Variants in AKAP19 observed in about 807,000 individuals in gnomAD.
AKAP19 encodes A-kinase anchoring protein 19.
chr2:189,914,338 A>G, the AKAP19 span, among the ~76,000 whole-genome samples: 1 of 152,124 alleles, frequency 6.6e-6, no homozygotes, highest in Admixed American at 6.5e-5. Flanking sequence ...AGACAAATTC[A>G]TGTTCTTAAC....
the AKAP19 span, chr2:190,199,841 C>CACAAACAGCTCTTCATAACA: frequency 1.9e-6 from 3 of 1,608,174 alleles, no homozygotes; most frequent in South Asian, 1.1e-5. Context: ...CTGCTTCCTC[C>CACAAACAGCTCTTCATAACA]ACAAACAGCT....
At chr2:190,076,874 C>G in the AKAP19 span, among the ~76,000 whole-genome samples, 1 of 152,174 alleles carries the variant, frequency 6.6e-6, no homozygotes, top group Non-Finnish European at 1.5e-5. Context: ...CTCCCCTCAT[C>G]ATTTTCTGGG....
the AKAP19 span, among the ~76,000 whole-genome samples, chr2:190,084,349 T>C: frequency 1.3e-5 from 2 of 152,144 alleles, no homozygotes; most frequent in South Asian, 2.1e-4. Context: ...CACCTCAGCC[T>C]CCCAAAGTGC....
the AKAP19 span, among the ~76,000 whole-genome samples, chr2:190,023,796 TATA>T: frequency 1.6e-4 from 1 of 6,222 alleles, no homozygotes; most frequent in Non-Finnish European, 9.2e-4. Context: ...TGTGTGTGTG[TATA>T]TATATATATA....
the AKAP19 span, chr2:190,060,271 T>C: frequency 3.5e-5 from 57 of 1,613,184 alleles, no homozygotes; most frequent in Admixed American, 5.5e-4. Flanking sequence ...CCGTCTTTCA[T>C]AGGTTTGATG....
the AKAP19 span, among the ~76,000 whole-genome samples, chr2:189,990,704 A>G: frequency 6.6e-6 from 1 of 152,092 alleles, no homozygotes; most frequent in African/African-American, 2.4e-5. Flanking sequence ...TATTCTTTTT[A>G]AAAATTATTT....
At chr2:189,930,364 T>C in the AKAP19 span, 3 of 449,770 alleles carry the variant, frequency 6.7e-6, no homozygotes, top group African/African-American at 2.0e-5. Flanking sequence ...GTCCAGGTGG[T>C]AGATGTACAT....
At chr2:189,923,697 A>T in the AKAP19 span, 1 of 1,613,758 alleles carries the variant, frequency 6.2e-7, no homozygotes, top group Non-Finnish European at 8.5e-7. Flanking sequence ...GACTATTATG[A>T]TAGGATGTAC....
chr2:189,989,064 TA>T, the AKAP19 span, among the ~76,000 whole-genome samples: 2 of 152,236 alleles, frequency 1.3e-5, no homozygotes, highest in South Asian at 4.1e-4. Context: ...ACTGTTCTTT[TA>T]GATTGTTATG....
At chr2:190,159,790 T>C in the AKAP19 span, among the ~76,000 whole-genome samples, 1 of 152,216 alleles carries the variant, frequency 6.6e-6, no homozygotes, top group African/African-American at 2.4e-5. Context: ...ATGAAGAAAG[T>C]ATGTGAAAAG....
At chr2:190,075,680 G>A in the AKAP19 span, among the ~76,000 whole-genome samples, 1 of 152,030 alleles carries the variant, frequency 6.6e-6, no homozygotes, top group Admixed American at 6.6e-5. Flanking sequence ...GTGTTTTTAT[G>A]TTGTATCTTT....
the AKAP19 span, among the ~76,000 whole-genome samples, chr2:190,113,530 CA>C: frequency 1.3e-5 from 2 of 152,180 alleles, no homozygotes; most frequent in Non-Finnish European, 2.9e-5. Context: ...ATTTCTACTT[CA>C]GAGCTTCTTT....
At chr2:190,079,267 T>C in the AKAP19 span, 1 of 152,162 alleles carries the variant, frequency 6.6e-6, no homozygotes, top group East Asian at 1.9e-4. Flanking sequence ...ATGTCAGACA[T>C]CTGAGAGTCA....
chr2:190,038,935 T>TTCTTCTTCTTCTTCC, the AKAP19 span, among the ~76,000 whole-genome samples: 7 of 141,576 alleles, frequency 4.9e-5, 1 homozygote, highest in African/African-American at 1.7e-4. Flanking sequence ...CTTCTTCTTC[T>TTCTTCTTCTTCTTCC]TCTTCTTCTT....
the AKAP19 span, among the ~76,000 whole-genome samples, chr2:190,140,155 G>A: frequency 6.6e-6 from 1 of 152,204 alleles, no homozygotes; most frequent in Non-Finnish European, 1.5e-5. Context: ...ACTGATATAA[G>A]AGGTGAGTTC....
At chr2:190,156,664 C>T in the AKAP19 span, among the ~76,000 whole-genome samples, 4 of 152,188 alleles carry the variant, frequency 2.6e-5, no homozygotes, top group Admixed American at 6.5e-5. Context: ...TGAAATCATG[C>T]GCAGCCTTGC....
the AKAP19 span, among the ~76,000 whole-genome samples, chr2:190,173,545 A>C: frequency 8.5e-5 from 13 of 152,218 alleles, no homozygotes; most frequent in Non-Finnish European, 1.6e-4. Context: ...AACAACTCCT[A>C]AAATGATAGA....
the AKAP19 span, among the ~76,000 whole-genome samples, chr2:190,133,235 CAAAAAAAAAAAA>C: frequency 3.4e-5 from 2 of 58,106 alleles, no homozygotes; most frequent in Non-Finnish European, 5.8e-5. Flanking sequence ...GAGACTCTGC[CAAAAAAAAAAAA>C]AAAAAAAAAA....
chr2:190,036,339 T>G, the AKAP19 span, among the ~76,000 whole-genome samples: 2 of 152,206 alleles, frequency 1.3e-5, no homozygotes, highest in African/African-American at 4.8e-5. Flanking sequence ...CTTTGCAGCA[T>G]GTTTAGATTT....
Sources: allele counts gnomAD v4.1 joint callset (sites outside exome capture counted in the v4.1 genomes callset), GRCh38; gene constraint gnomAD v4.1.1; transcripts MANE v1.5; gene names NCBI Gene and HGNC (gene_info 2026-07-23, HGNC 2026-07-21).